Variants in CAP2 observed in about 807,000 individuals in gnomAD.
CAP2 encodes cyclase associated actin cytoskeleton regulatory protein 2, also known as adenylyl cyclase-associated protein 2.
CAP2 carries 24 observed loss-of-function variants against 57.7 expected under a neutral mutation model. The observed-to-expected ratio is 0.42, with a 90% CI of 0.30 to 0.58. The LOEUF (loss-of-function observed/expected upper bound fraction) is 0.58. CAP2 is among the 20% of genes least tolerant of loss of function. CAP2 has a pLI of 0.22. For synonymous variants in CAP2, 194 were observed against 207.2 expected, an observed-to-expected ratio of 0.94 and a Z score of 0.55; for missense variants, 501 against 590.3, an observed-to-expected ratio of 0.85 and a Z score of 1.57.
chr6:17,547,987 C>G (rs941560913), intron 11 of CAP2, among the ~76,000 whole-genome samples: 5 of 151,636 alleles, frequency 3.3e-5, no homozygotes, highest in Non-Finnish European at 7.4e-5. Context: ...AACTATAAAA[C>G]TAAAAAAACA....
At chr6:17,440,707 C>T (rs559303427) in intron 3 of CAP2, among the ~76,000 whole-genome samples, 1 of 150,250 alleles carries the variant, frequency 6.7e-6, no homozygotes, top group East Asian at 2.0e-4. Context: ...TTCTAGGGTA[C>T]ATGTGCACAA....
At chr6:17,517,960 A>G (rs190183924) in intron 7 of CAP2, among the ~76,000 whole-genome samples, 9 of 152,260 alleles carry the variant, frequency 5.9e-5, no homozygotes, top group Admixed American at 2.0e-4. Context: ...TACAAAATAA[A>G]TATGATCCAT....
chr6:17,424,749 A>C (rs1028894316), intron 2 of CAP2, among the ~76,000 whole-genome samples: 6 of 152,238 alleles, frequency 3.9e-5, no homozygotes, highest in Non-Finnish European at 8.8e-5. Flanking sequence ...GTCTGCCCGC[A>C]GGAGGTGTGA....
rs138711940 is a variant in CAP2, at chr6:17,414,825, G to A, written c.-1-6730G>A. On this transcript the variant is annotated intron_variant, in intron 1 of 12. Coordinates refer to ENST00000229922, the MANE Select transcript of CAP2 (RefSeq NM_006366.3). ...TCTGGTTCTAGATCCTTGAGGAATC[G>A]CCATACTGTCTTCCGCAGTGGTTGA... Among the ~76,000 whole-genome samples the A allele has an allele frequency of 5.7e-3, 861 of 152,248 alleles. 4 individuals carry two copies. The highest frequency in any genetic ancestry group is 9.1e-3 in the Non-Finnish European group (618 of 68,022).
At chr6:17,495,373 A>G (rs968475666) in intron 4 of CAP2, among the ~76,000 whole-genome samples, 10 of 152,194 alleles carry the variant, frequency 6.6e-5, no homozygotes, top group Non-Finnish European at 1.0e-4. Context: ...AGTGAGCACA[A>G]TTATCTCATT....
intron 1 of CAP2, among the ~76,000 whole-genome samples, chr6:17,411,256 C>G (rs1228291521): frequency 1.3e-5 from 2 of 152,196 alleles, no homozygotes; most frequent in Admixed American, 6.5e-5. Context: ...GCTGCTATGA[C>G]ATTTGTGCAC....
At chr6:17,535,648 G>A (rs1762756258) in intron 7 of CAP2, among the ~76,000 whole-genome samples, 1 of 151,794 alleles carries the variant, frequency 6.6e-6, no homozygotes, top group Non-Finnish European at 1.5e-5. Flanking sequence ...AAGGAGATAT[G>A]TGATTCAATA....
At chr6:17,422,842 A>G (rs1759483738) in intron 2 of CAP2, among the ~76,000 whole-genome samples, 2 of 152,234 alleles carry the variant, frequency 1.3e-5, no homozygotes, top group Admixed American at 6.5e-5. Context: ...AATTTACTTA[A>G]TAATTTTTTT....
chr6:17,393,910 GCGGGCGCGGGGGCCGGGGCGCGGCGACC>G (rs1219617875), intron 1 of CAP2, among the ~76,000 whole-genome samples, 164 bp downstream of exon 1: 36 of 148,362 alleles, frequency 2.4e-4, no homozygotes, highest in Admixed American at 4.0e-4. Context: ...TAAAGGCGGC[GCGGGCGCGGGGGCCGGGGCGCGGCGACC>G]CGGGCGCGGG....
At chr6:17,455,228 A>C (rs992241926) in intron 3 of CAP2, among the ~76,000 whole-genome samples, 2 of 152,086 alleles carry the variant, frequency 1.3e-5, no homozygotes, top group African/African-American at 4.8e-5. Context: ...TAAGAGGCAA[A>C]ATGGTGGAGT....
chr6:17,402,329 G>A (rs1349957596), intron 1 of CAP2, among the ~76,000 whole-genome samples: 1 of 152,136 alleles, frequency 6.6e-6, no homozygotes, highest in African/African-American at 2.4e-5. Context: ...CTTTGCCCAA[G>A]GATGTAAAAC....
chr6:17,546,574 T>A (rs1466632439), intron 11 of CAP2, among the ~76,000 whole-genome samples: 2 of 152,228 alleles, frequency 1.3e-5, no homozygotes, highest in Non-Finnish European at 2.9e-5. Context: ...CAATTTTGGC[T>A]TTTGTTGCCA....
intron 7 of CAP2, among the ~76,000 whole-genome samples, chr6:17,524,634 T>C (rs555851215): frequency 6.6e-6 from 1 of 152,244 alleles, no homozygotes; most frequent in East Asian, 1.9e-4. Flanking sequence ...TTCAGAAAGT[T>C]CTAGAAAAGA....
intron 3 of CAP2, among the ~76,000 whole-genome samples, chr6:17,461,882 A>C (rs10949424): frequency 0.48 from 72,065 of 149,072 alleles, 18,463 homozygotes; most frequent in East Asian, 0.83. Flanking sequence ...AGTCCCAGCT[A>C]CTCGGGGGGC....
At chr6:17,448,815 G>T (rs996821353) in intron 3 of CAP2, among the ~76,000 whole-genome samples, 4 of 151,424 alleles carry the variant, frequency 2.6e-5, no homozygotes, top group African/African-American at 9.7e-5. Context: ...AGGCTGGACT[G>T]CAGGGGTGCG....
intron 1 of CAP2, among the ~76,000 whole-genome samples, chr6:17,410,189 T>C (rs1167009228): frequency 6.6e-6 from 1 of 152,214 alleles, no homozygotes; most frequent in African/African-American, 2.4e-5. Flanking sequence ...GTTGCATGTC[T>C]ACCTTTCTTG....
At chr6:17,540,036 C>A (rs1197222729) in intron 8 of CAP2, among the ~76,000 whole-genome samples, 2 of 152,140 alleles carry the variant, frequency 1.3e-5, no homozygotes, top group Non-Finnish European at 2.9e-5. Context: ...GAGCTGAGAT[C>A]GCACCACTGC....
chr6:17,541,570 A>G (rs1340291335), intron 9 of CAP2, among the ~76,000 whole-genome samples: 1 of 151,814 alleles, frequency 6.6e-6, no homozygotes, highest in Non-Finnish European at 1.5e-5. Flanking sequence ...ACAGAGTGAG[A>G]CTCTGTCTCA....
chr6:17,429,335 C>T (rs1004172750), intron 3 of CAP2, among the ~76,000 whole-genome samples: 6 of 152,020 alleles, frequency 3.9e-5, no homozygotes, highest in African/African-American at 1.2e-4. Context: ...TTCATTAATG[C>T]CAACATTAGG....
Sources: allele counts gnomAD v4.1 joint callset (sites outside exome capture counted in the v4.1 genomes callset), GRCh38; gene constraint gnomAD v4.1.1; transcripts MANE v1.5; gene names NCBI Gene and HGNC (gene_info 2026-07-23, HGNC 2026-07-21).